ASCC3: variants seen among roughly 807,000 people sequenced by gnomAD.
The protein encoded by ASCC3 is ASC-1 complex subunit P200.
ASCC3 carries 158 observed loss-of-function variants against 256.3 expected under a neutral mutation model. That is an observed-to-expected ratio of 0.62 (90% confidence interval 0.54 to 0.70). ASCC3 has a LOEUF of 0.70. Ranked by LOEUF, ASCC3 falls within the 30% of genes least tolerant of loss-of-function variation. ASCC3 has a pLI of 0.00. For synonymous variants in ASCC3, 948 were observed against 883.4 expected, an observed-to-expected ratio of 1.07 and a Z score of -1.30; for missense variants, 2,259 against 2,626.0, an observed-to-expected ratio of 0.86 and a Z score of 3.05.
intron 8 of ASCC3, among the ~76,000 whole-genome samples, chr6:100,797,156 T>C (rs929290815): frequency 6.6e-6 from 1 of 152,108 alleles, no homozygotes; most frequent in Non-Finnish European, 1.5e-5. Flanking sequence ...TTTTTAAAAA[T>C]GTAAAGATTT....
chr6:100,677,314 A>C (rs1193646797), intron 14 of ASCC3, among the ~76,000 whole-genome samples: 1 of 151,228 alleles, frequency 6.6e-6, no homozygotes, highest in Non-Finnish European at 1.5e-5. Context: ...AGTTAGGTTG[A>C]AGAAATGTTC....
chr6:100,581,465 T>C (rs1771255649), intron 36 of ASCC3, among the ~76,000 whole-genome samples: 1 of 152,216 alleles, frequency 6.6e-6, no homozygotes, highest in African/African-American at 2.4e-5. Context: ...TTAAGTTCAT[T>C]GTAGATTCTG....
chr6:100,694,723 TGATA>T (rs1778002551), intron 13 of ASCC3, among the ~76,000 whole-genome samples: 1 of 152,098 alleles, frequency 6.6e-6, no homozygotes. Flanking sequence ...AATTGTATAG[TGATA>T]GATTGTAACA....
chr6:100,871,493 G>C (rs956799256), intron 1 of ASCC3, among the ~76,000 whole-genome samples: 2 of 152,154 alleles, frequency 1.3e-5, no homozygotes, highest in Non-Finnish European at 2.9e-5. Context: ...TGGGGGCCAG[G>C]CACAGTGGTT....
intron 24 of ASCC3, among the ~76,000 whole-genome samples, chr6:100,640,108 C>T (rs1280356032): frequency 1.3e-5 from 2 of 151,924 alleles, no homozygotes; most frequent in Non-Finnish European, 2.9e-5. Flanking sequence ...GAGTGAAACT[C>T]TGTCTCACAA....
intron 14 of ASCC3, among the ~76,000 whole-genome samples, chr6:100,670,320 G>C (rs917927298): frequency 6.6e-6 from 1 of 151,818 alleles, no homozygotes; most frequent in Non-Finnish European, 1.5e-5. Context: ...ATGGGGGATT[G>C]ATTCAACAAA....
intron 1 of ASCC3, among the ~76,000 whole-genome samples, chr6:100,873,016 A>G (rs1363968827): frequency 4.6e-5 from 7 of 152,170 alleles, no homozygotes; most frequent in Non-Finnish European, 8.8e-5. Context: ...TAGCTCACCA[A>G]CAATGGATCC....
At chr6:100,651,988 A>G (rs550721826) in intron 18 of ASCC3, among the ~76,000 whole-genome samples, 1 of 152,210 alleles carries the variant, frequency 6.6e-6, no homozygotes, top group African/African-American at 2.4e-5. Context: ...AATCTGCACA[A>G]TTCACGAATT....
At position 100,664,312 on chromosome 6, in the gene ASCC3, G is replaced by T. The variant is rs888689983; in HGVS notation, c.2287-1776C>A. Among the ~76,000 whole-genome samples, 4 of 152,026 alleles carry T rather than the reference G, an allele frequency of 2.6e-5. No homozygotes were observed. In the East Asian group the frequency reaches 7.7e-4, roughly 29 times the overall value. On this transcript the variant is annotated intron_variant, in intron 14 of 41. Coordinates refer to ENST00000369162, the MANE Select transcript of ASCC3 (RefSeq NM_006828.4). ...GGACTGGGGTTCCATTCTAGACTTT[G>T]CCATACTGATTATCTCTCAGGTCAC...
intron 1 of ASCC3, among the ~76,000 whole-genome samples, chr6:100,869,873 A>G (rs961930172): frequency 6.6e-6 from 1 of 152,252 alleles, no homozygotes; most frequent in East Asian, 1.9e-4. Flanking sequence ...ATCAGACAAA[A>G]TTGGCTTCAA....
At chr6:100,798,609 T>C in intron 8 of ASCC3, 104 bp downstream of exon 8, 1 of 1,561,134 alleles carries the variant, frequency 6.4e-7, no homozygotes, top group Non-Finnish European at 8.7e-7. Context: ...GTCTGTACTG[T>C]ATTTGCCAAC....
rs149601245 is a variant in ASCC3 at position 100,597,262 on chromosome 6, A to C, written c.5303+4548T>G. ...TAAAATCTACCGTCTCTGCTAAAAG[A>C]ACATGAGTGCCAAGATAGCAAAAGT... On this transcript the variant is annotated intron_variant, in intron 34 of 41. Transcript: ENST00000369162. 5.5e-4 allele frequency among the ~76,000 whole-genome samples: 84 copies of C among 152,340 alleles called. 1 individual carries two copies. The highest frequency in any genetic ancestry group is 1.9e-3 in the African/African-American group (80 of 41,576).
intron 14 of ASCC3, among the ~76,000 whole-genome samples, chr6:100,667,124 C>T (rs1480679205): frequency 1.3e-5 from 2 of 152,146 alleles, no homozygotes; most frequent in East Asian, 3.8e-4. Flanking sequence ...ACATTTGTAT[C>T]GCTAACATTT....
chr6:100,828,261 G>A (rs1265867374), intron 4 of ASCC3, among the ~76,000 whole-genome samples: 3 of 151,988 alleles, frequency 2.0e-5, no homozygotes, highest in Admixed American at 6.6e-5. Flanking sequence ...AGAGGAAATG[G>A]GGATAAAAAA....
rs571182903 is a variant in ASCC3, at chr6:100,659,303, C to A, written c.2703+2503G>T. 7.3e-5 allele frequency among the ~76,000 whole-genome samples: 11 copies of A among 151,544 alleles called. No individual in the cohort carries two copies. The South Asian group carries it at 2.3e-3, about 31-fold the overall frequency. On this transcript the variant is annotated intron_variant, in intron 16 of 41. Coordinates refer to ENST00000369162, the MANE Select transcript of ASCC3 (RefSeq NM_006828.4). ...ATTCATTTTATAAACCAATTTCACA[C>A]TTGATTTCCACAGATAGCCAAATTT... is the stretch of plus-strand genomic sequence containing the variant.
At chr6:100,780,734 G>C (rs1168110783) in intron 8 of ASCC3, among the ~76,000 whole-genome samples, 2 of 152,174 alleles carry the variant, frequency 1.3e-5, no homozygotes, top group Non-Finnish European at 1.5e-5. Flanking sequence ...GTAACCATTT[G>C]TTGAATGTGT....
At chr6:100,833,599 T>C (rs561740188) in intron 4 of ASCC3, among the ~76,000 whole-genome samples, 18 of 152,270 alleles carry the variant, frequency 1.2e-4, no homozygotes, top group African/African-American at 4.1e-4. Context: ...TTTCTGTAAA[T>C]GTAAAACTGC....
chr6:100,792,211 G>A (rs1769381116), intron 8 of ASCC3, among the ~76,000 whole-genome samples: 1 of 151,758 alleles, frequency 6.6e-6, no homozygotes, highest in African/African-American at 2.4e-5. Context: ...AATATACCTA[G>A]AAACCAGTAA....
At chr6:100,878,043 C>T (rs550336951) in intron 1 of ASCC3, among the ~76,000 whole-genome samples, 8 of 152,224 alleles carry the variant, frequency 5.3e-5, no homozygotes, top group African/African-American at 1.9e-4. Context: ...ACTTGATGTC[C>T]TTTTAAGGGA....
Sources: allele counts gnomAD v4.1 joint callset (sites outside exome capture counted in the v4.1 genomes callset), GRCh38; gene constraint gnomAD v4.1.1; transcripts MANE v1.5; gene names NCBI Gene and HGNC (gene_info 2026-07-23, HGNC 2026-07-21).